Variants in CERS6 observed in about 807,000 individuals in gnomAD.
CERS6 encodes ceramide synthase 6, also known as LAG1 homolog, ceramide synthase 6.
Under a neutral mutation model 56.8 loss-of-function variants are expected in CERS6, and 26 were observed. The ratio of observed to expected loss-of-function variants is 0.46; its 90% CI spans 0.34 to 0.63. CERS6 has a LOEUF of 0.63. Ranked by LOEUF, CERS6 falls within the 30% of genes least tolerant of loss-of-function variation. The pLI is 0.01. For synonymous variants in CERS6, 164 were observed against 173.3 expected (o/e 0.95, Z 0.42); for missense variants, 415 against 467.5 (o/e 0.89, Z 1.04).
At chr2:168,492,430 C>G (rs1694391408) in intron 1 of CERS6, among the ~76,000 whole-genome samples, 1 of 152,152 alleles carries the variant, frequency 6.6e-6, no homozygotes. Context: ...TGAGAAGTGT[C>G]TGTTCATATC....
chr2:168,698,220 A>G (rs1263034846), intron 6 of CERS6, among the ~76,000 whole-genome samples: 2 of 148,150 alleles, frequency 1.3e-5, no homozygotes, highest in African/African-American at 5.1e-5. Context: ...TGATAGAGCC[A>G]GACCTTGTCT....
intron 1 of CERS6, among the ~76,000 whole-genome samples, chr2:168,486,517 TG>T (rs201762844): frequency 0.021 from 3,100 of 148,124 alleles, 125 homozygotes; most frequent in African/African-American, 0.073. Flanking sequence ...TGTCTAGATT[TG>T]GTTTTGTTTT....
chr2:168,494,706 A>G (rs1406153966), intron 1 of CERS6, among the ~76,000 whole-genome samples: 2 of 152,136 alleles, frequency 1.3e-5, no homozygotes, highest in African/African-American at 4.8e-5. Flanking sequence ...GGACTTATAT[A>G]CAGGGTGTTC....
At chr2:168,617,101 A>G (rs1559022219) in intron 3 of CERS6, among the ~76,000 whole-genome samples, 1 of 152,194 alleles carries the variant, frequency 6.6e-6, no homozygotes, top group African/African-American at 2.4e-5. Context: ...ATGCAAATAC[A>G]TGGATATTAA....
chr2:168,611,286 C>A (rs1178782386), intron 3 of CERS6, among the ~76,000 whole-genome samples: 1 of 152,148 alleles, frequency 6.6e-6, no homozygotes, highest in Non-Finnish European at 1.5e-5. Context: ...TAGCCACATT[C>A]CCCAGCATTA....
At chr2:168,621,717 T>G (rs1684474932) in intron 3 of CERS6, among the ~76,000 whole-genome samples, 1 of 152,158 alleles carries the variant, frequency 6.6e-6, no homozygotes. Flanking sequence ...GGCTAGCTGT[T>G]AATGGAGCCT....
At chr2:168,459,603 C>A (rs1693741652) in intron 1 of CERS6, among the ~76,000 whole-genome samples, 1 of 151,754 alleles carries the variant, frequency 6.6e-6, no homozygotes, top group Non-Finnish European at 1.5e-5. Flanking sequence ...ACTGTAGCGA[C>A]CAATTGATTG....
At chr2:168,581,586 T>C (rs1355308182) in intron 3 of CERS6, among the ~76,000 whole-genome samples, 3 of 152,172 alleles carry the variant, frequency 2.0e-5, no homozygotes, top group Non-Finnish European at 4.4e-5. Flanking sequence ...TTCTAGTTTT[T>C]AGTTTGGTTA....
chr2:168,461,958 A>G (rs1693787621), intron 1 of CERS6, among the ~76,000 whole-genome samples: 1 of 152,234 alleles, frequency 6.6e-6, no homozygotes, highest in Non-Finnish European at 1.5e-5. Context: ...AGTTTCCTCC[A>G]TCAGCATACC....
At chr2:168,535,381 G>A (rs1434005879) in intron 1 of CERS6, among the ~76,000 whole-genome samples, 1 of 152,194 alleles carries the variant, frequency 6.6e-6, no homozygotes. Flanking sequence ...GCACCATTCC[G>A]TGGAAAAGGC....
At chr2:168,756,936 A>G (rs570465771) in intron 8 of CERS6, among the ~76,000 whole-genome samples, 1 of 152,364 alleles carries the variant, frequency 6.6e-6, no homozygotes, top group South Asian at 2.1e-4. Flanking sequence ...GCTTTATTTC[A>G]TGAGAATTAA....
At chr2:168,610,513 A>T (rs1405841265) in intron 3 of CERS6, among the ~76,000 whole-genome samples, 1 of 152,132 alleles carries the variant, frequency 6.6e-6, no homozygotes, top group African/African-American at 2.4e-5. Flanking sequence ...ATTTGATTTG[A>T]TTTCATTTTT....
At chr2:168,487,762 C>CCTAG (rs1232742134) in intron 1 of CERS6, among the ~76,000 whole-genome samples, 1 of 152,156 alleles carries the variant, frequency 6.6e-6, no homozygotes, top group Non-Finnish European at 1.5e-5. Context: ...CATTCTGTCA[C>CCTAG]CTAGGCTGGA....
At chr2:168,622,121 A>G (rs1467760719) in intron 3 of CERS6, among the ~76,000 whole-genome samples, 1 of 152,186 alleles carries the variant, frequency 6.6e-6, no homozygotes, top group Non-Finnish European at 1.5e-5. Flanking sequence ...TAGAGGATGG[A>G]AATATTACAG....
At chr2:168,549,961 T>C (rs1695537041) in intron 2 of CERS6, among the ~76,000 whole-genome samples, 1 of 152,138 alleles carries the variant, frequency 6.6e-6, no homozygotes, top group South Asian at 2.1e-4. Flanking sequence ...GCTGCCTTTT[T>C]GTAGAAGGGC....
chr2:168,535,834 A>G (rs778752806), intron 1 of CERS6, among the ~76,000 whole-genome samples: 6 of 151,036 alleles, frequency 4.0e-5, no homozygotes, highest in Non-Finnish European at 8.8e-5. Context: ...ATCATTGGCT[A>G]TATTTCACAT....
intron 5 of CERS6, among the ~76,000 whole-genome samples, chr2:168,692,227 A>G (rs1206381595): frequency 6.6e-6 from 1 of 152,192 alleles, no homozygotes; most frequent in African/African-American, 2.4e-5. Context: ...CTTATTTTAC[A>G]CAATTGTAAT....
intron 6 of CERS6, among the ~76,000 whole-genome samples, chr2:168,699,244 T>C (rs1157326338): frequency 6.6e-6 from 1 of 152,204 alleles, no homozygotes; most frequent in Non-Finnish European, 1.5e-5. Flanking sequence ...CCTTCTGTAT[T>C]GGAACTATTA....
chr2:168,556,126 G>A (rs1440410388), intron 2 of CERS6, among the ~76,000 whole-genome samples: 1 of 151,860 alleles, frequency 6.6e-6, no homozygotes, highest in African/African-American at 2.4e-5. Context: ...CTGTATCAAA[G>A]CATAGAAAAT....
Sources: allele counts gnomAD v4.1 joint callset (sites outside exome capture counted in the v4.1 genomes callset), GRCh38; gene constraint gnomAD v4.1.1; transcripts MANE v1.5; gene names NCBI Gene and HGNC (gene_info 2026-07-23, HGNC 2026-07-21).